The following CDIN1 variants were observed in gnomAD, a reference collection of about 807,000 sequenced individuals.
The protein encoded by CDIN1 is CDAN1 interacting nuclease 1.
CDIN1 carries 33 observed loss-of-function variants against 45.3 expected under a neutral mutation model. The ratio of observed to expected loss-of-function variants is 0.73; its 90% CI spans 0.55 to 0.97. The LOEUF is 0.97. Ranked by LOEUF, CDIN1 falls within the 50% of genes least tolerant of loss-of-function variation. The pLI is 0.00. For synonymous variants in CDIN1, 118 were observed against 124.4 expected (o/e 0.95, Z 0.34); for missense variants, 303 against 339.4 (o/e 0.89, Z 0.84).
chr15:36,724,433 T>C (rs1373948643), intron 10 of CDIN1, among the ~76,000 whole-genome samples: 1 of 152,108 alleles, frequency 6.6e-6, no homozygotes, highest in Non-Finnish European at 1.5e-5. Context: ...AGAGATAACT[T>C]TGAGGTTTTA....
At chr15:36,768,342 T>C (rs2053979437) in intron 10 of CDIN1, among the ~76,000 whole-genome samples, 1 of 152,204 alleles carries the variant, frequency 6.6e-6, no homozygotes, top group East Asian at 1.9e-4. Context: ...CTCACTGTCT[T>C]AGTTTGATGA....
intron 10 of CDIN1, among the ~76,000 whole-genome samples, chr15:36,790,631 G>C (rs1186871422): frequency 6.6e-6 from 1 of 152,226 alleles, no homozygotes; most frequent in South Asian, 2.1e-4. Flanking sequence ...AATATCACAT[G>C]TACCCCATAA....
intron 10 of CDIN1, among the ~76,000 whole-genome samples, chr15:36,711,409 CA>C (rs1197448247): frequency 6.6e-6 from 1 of 151,776 alleles, no homozygotes; most frequent in East Asian, 1.9e-4. Context: ...TCTTCTAAAA[CA>C]ACTCAATTAT....
At chr15:36,801,393 A>G (rs80155569) in intron 10 of CDIN1, among the ~76,000 whole-genome samples, 3,574 of 152,260 alleles carry the variant, frequency 0.023, 153 homozygotes, top group African/African-American at 0.082. Flanking sequence ...AAACATGGGT[A>G]AGCCAAGTTA....
At chr15:36,718,121 A>G (rs914860223) in intron 10 of CDIN1, among the ~76,000 whole-genome samples, 2 of 151,818 alleles carry the variant, frequency 1.3e-5, no homozygotes, top group Non-Finnish European at 2.9e-5. Context: ...CCCTTTTTTG[A>G]GAAGACTCTT....
intron 10 of CDIN1, among the ~76,000 whole-genome samples, chr15:36,714,497 A>G (rs529527100): frequency 7.0e-4 from 107 of 152,306 alleles, no homozygotes; most frequent in Admixed American, 2.2e-3. Context: ...CTAAATATGT[A>G]AAGTTACATA....
rs558495289 is a variant in CDIN1 at position 36,728,954 on chromosome 15, G to A, written c.716+18993G>A. ...CTCCCAAAGTGCTCAGATAACAGGC[G>A]TGAGCCACCACGCCTAGCCAAACAA... On this transcript the variant is annotated intron_variant, in intron 10 of 10. Coordinates refer to ENST00000566621, the MANE Select transcript of CDIN1 (RefSeq NM_001321759.2). Among the ~76,000 whole-genome samples the A allele has an allele frequency of 1.9e-4, 29 of 152,292 alleles. No individual in the cohort carries two copies. In the East Asian group the frequency reaches 4.4e-3, roughly 23 times the overall value.
At chr15:36,647,994 C>T (rs1211661165) in intron 3 of CDIN1, among the ~76,000 whole-genome samples, 1 of 152,124 alleles carries the variant, frequency 6.6e-6, no homozygotes, top group African/African-American at 2.4e-5. Context: ...TGCCCGCCAC[C>T]ACGCCCGGCT....
intron 1 of CDIN1, chr15:36,617,802 A>T (rs541218033): frequency 1.6e-5 from 13 of 805,490 alleles, no homozygotes; most frequent in African/African-American, 1.0e-4. Context: ...AGCAGCTGGT[A>T]TATCACTTTC....
At chr15:36,645,791 G>A (rs1440712640) in intron 3 of CDIN1, among the ~76,000 whole-genome samples, 1 of 152,058 alleles carries the variant, frequency 6.6e-6, no homozygotes, top group Non-Finnish European at 1.5e-5. Context: ...TCAAGTAAAG[G>A]CATTTGGAGA....
intron 5 of CDIN1, among the ~76,000 whole-genome samples, chr15:36,675,872 T>C (rs1475387771): frequency 6.6e-6 from 1 of 152,106 alleles, no homozygotes; most frequent in African/African-American, 2.4e-5. Flanking sequence ...ATTTTTATGG[T>C]ATTTGTCTCT....
At chr15:36,726,331 T>G (rs887401163) in intron 10 of CDIN1, among the ~76,000 whole-genome samples, 5 of 152,132 alleles carry the variant, frequency 3.3e-5, no homozygotes, top group African/African-American at 1.2e-4. Context: ...ACATTACCAC[T>G]CGGCTTCAGT....
chr15:36,771,927 CAAAA>C (rs373077953), intron 10 of CDIN1, among the ~76,000 whole-genome samples: 2 of 126,530 alleles, frequency 1.6e-5, no homozygotes, highest in Non-Finnish European at 1.6e-5. Flanking sequence ...GACTCAGTCT[CAAAA>C]AAAAAAAAAA....
intron 10 of CDIN1, among the ~76,000 whole-genome samples, chr15:36,742,577 T>C (rs1440952176): frequency 2.0e-5 from 3 of 152,214 alleles, no homozygotes; most frequent in African/African-American, 7.2e-5. Context: ...ACAATTTTCT[T>C]TATACCATCA....
chr15:36,749,894 C>A (rs1280995695), intron 10 of CDIN1, among the ~76,000 whole-genome samples: 1 of 152,220 alleles, frequency 6.6e-6, no homozygotes, highest in Non-Finnish European at 1.5e-5. Context: ...GGAGACAGGG[C>A]ACCAACCAGG....
At chr15:36,643,847 G>A (rs570999861) in intron 1 of CDIN1, among the ~76,000 whole-genome samples, 9 of 152,252 alleles carry the variant, frequency 5.9e-5, no homozygotes, top group Non-Finnish European at 1.3e-4. Flanking sequence ...TACCTGTAGA[G>A]GAGAATACCT....
intron 5 of CDIN1, among the ~76,000 whole-genome samples, chr15:36,688,405 C>G (rs1207363450): frequency 2.6e-5 from 4 of 152,154 alleles, no homozygotes; most frequent in African/African-American, 9.7e-5. Context: ...AGTTCATAAT[C>G]TTAGGCATTG....
intron 10 of CDIN1, among the ~76,000 whole-genome samples, chr15:36,748,246 T>G (rs1449382687): frequency 6.6e-6 from 1 of 152,214 alleles, no homozygotes; most frequent in African/African-American, 2.4e-5. Context: ...TAGAAGTACT[T>G]GATGGAAAGT....
At chr15:36,588,864 G>A (rs1317933952) in intron 1 of CDIN1, among the ~76,000 whole-genome samples, 3 of 152,044 alleles carry the variant, frequency 2.0e-5, no homozygotes, top group Non-Finnish European at 2.9e-5. Flanking sequence ...TGAATTCTTC[G>A]CAGAGGAGTA....
Sources: gnomAD v4.1 joint callset for allele counts (sites outside exome capture counted in the v4.1 genomes callset) on GRCh38, gnomAD v4.1.1 for gene constraint, MANE v1.5 for transcripts, NCBI Gene and HGNC (gene_info 2026-07-23, HGNC 2026-07-21) for gene names.